LMBRD1: variants seen among roughly 807,000 people sequenced by gnomAD.
The protein encoded by LMBRD1 is lysosomal cobalamin transport escort protein LMBD1.
LMBRD1 carries 64 observed loss-of-function variants against 74.8 expected under a neutral mutation model. The observed-to-expected ratio is 0.86, with a 90% CI of 0.70 to 1.05. The LOEUF is 1.05. Among genes scored for constraint, LMBRD1 ranks in the 50% least tolerant of loss-of-function variants. The pLI is 0.00. For missense variants in LMBRD1, 652 were observed against 645.9 expected, an observed-to-expected ratio of 1.01 and a Z score of -0.10; for synonymous variants, 204 against 216.3, an observed-to-expected ratio of 0.94 and a Z score of 0.50.
At position 69,701,450 on chromosome 6, in the gene LMBRD1, A is replaced by T; in HGVS notation, c.1076T>A (p.Leu359Gln). ...GATTGATATTTTACTTACTGTTTGT[A>T]GTAAAGGCAAAAGCATATTCAGTGG... Reference protein sequence around the residue: ...SNPLNMLLPLLQTVFPLDYIL... With the variant: ...SNPLNMLLPLQQTVFPLDYIL... The change falls in exon 11 of 16, where the codon CTA becomes CAA. Residue 359 changes from leucine to glutamine, a missense_variant. This residue lies in a region of LMBRD1 where 598 missense variants were observed against 581.8 expected (regional missense o/e 1.03). Transcript: ENST00000649934. 6.4e-7 allele frequency: 1 copy of T among 1,571,726 alleles called. No individual in the cohort carries two copies. Among genetic ancestry groups the T allele is most frequent in the Non-Finnish European group, 8.7e-7 (1 of 1,143,006 alleles).
chr6:69,732,136 T>G (rs1279862012), intron 7 of LMBRD1, among the ~76,000 whole-genome samples: 7 of 152,142 alleles, frequency 4.6e-5, no homozygotes, highest in Non-Finnish European at 7.4e-5. Context: ...TCTCTAAATA[T>G]TATTGAGAAC....
intron 14 of LMBRD1, 88 bp downstream of exon 14, chr6:69,697,475 A>G: frequency 3.3e-6 from 3 of 913,312 alleles, no homozygotes; most frequent in Non-Finnish European, 1.8e-6. Context: ...CCACGTAGTA[A>G]AACAAATGCA....
At chr6:69,705,539 T>A (rs775341370) in intron 9 of LMBRD1, 39 of 1,290,130 alleles carry the variant, frequency 3.0e-5, no homozygotes, top group Admixed American at 6.8e-5. Context: ...TTGAGTCTTT[T>A]CCATTCTGAT....
intron 9 of LMBRD1, among the ~76,000 whole-genome samples, chr6:69,706,484 C>A (rs1325498771): frequency 3.3e-5 from 5 of 152,182 alleles, no homozygotes; most frequent in Non-Finnish European, 7.4e-5. Context: ...CTGTTTGAAA[C>A]TTCCTGATAC....
chr6:69,706,328 G>A (rs764003860), intron 9 of LMBRD1, among the ~76,000 whole-genome samples: 51 of 152,294 alleles, frequency 3.3e-4, no homozygotes, highest in Non-Finnish European at 5.7e-4. Context: ...TAGAAATTCT[G>A]TAATTTATTT....
In LMBRD1 at chr6:69,674,607, T is replaced by C. The variant is rs1039948830; in HGVS notation, c.*1551A>G. On this transcript the variant is annotated 3_prime_UTR_variant, in exon 16 of 16. Coordinates refer to ENST00000649934, the MANE Select transcript of LMBRD1 (RefSeq NM_018368.4). ...GAAGCAGTAATTTCTAGCTAAAAGA[T>C]AACTCAAAGTTCAGAGCTTAAGAAC... Among the ~76,000 whole-genome samples the C allele has an allele frequency of 2.0e-5, 3 of 152,334 alleles. No individual in the cohort carries two copies. The highest frequency in any genetic ancestry group is 7.2e-5 in the African/African-American group (3 of 41,584).
At chr6:69,733,533 T>C (rs577998208) in intron 7 of LMBRD1, among the ~76,000 whole-genome samples, 2 of 152,268 alleles carry the variant, frequency 1.3e-5, no homozygotes, top group Admixed American at 6.5e-5. Flanking sequence ...AGGTAATAGA[T>C]TTTAAACAAA....
At chr6:69,775,033 G>GGGAGGGAGGGAA (rs1562121921) in intron 3 of LMBRD1, among the ~76,000 whole-genome samples, 13 of 81,138 alleles carry the variant, frequency 1.6e-4, no homozygotes, top group Admixed American at 5.7e-4. Context: ...GAGGGAGGGA[G>GGGAGGGAGGGAA]GGAAGGAAGG....
chr6:69,678,002 C>T (rs763157012), intron 14 of LMBRD1, among the ~76,000 whole-genome samples: 1 of 152,066 alleles, frequency 6.6e-6, no homozygotes, highest in Admixed American at 6.6e-5. Flanking sequence ...GTACAGTTGA[C>T]CCTCAAGCAA....
intron 8 of LMBRD1, among the ~76,000 whole-genome samples, chr6:69,715,325 T>G (rs1442154963): frequency 6.6e-6 from 1 of 152,118 alleles, no homozygotes; most frequent in East Asian, 1.9e-4. Context: ...GTAAACTGAT[T>G]AAAGGATCCA....
Position 69,701,440 on chromosome 6 carries a change from T to C in LMBRD1, c.1083+3A>G, listed in dbSNP as rs1766127312. ...AGTATAAAATGATTGATATTTTACT[T>C]ACTGTTTGTAGTAAAGGCAAAAGCA... On this transcript the variant is annotated splice_donor_region_variant and intron_variant, in intron 11 of 15. Coordinates refer to ENST00000649934, the MANE Select transcript of LMBRD1 (RefSeq NM_018368.4). 6.6e-7 allele frequency: 1 copy of C among 1,520,312 alleles called. No homozygotes were observed. The highest frequency in any genetic ancestry group is 1.4e-5 in the African/African-American group (1 of 73,006). 94.2% of individuals were successfully genotyped at this position (1,520,312 alleles called of 1,614,324 possible).
Position 69,790,399 on chromosome 6 carries a change from A to G in LMBRD1, c.143T>C (p.Ile48Thr). The G allele has an allele frequency of 3.1e-6, 5 of 1,614,040 alleles. No homozygotes were observed. In the East Asian group the frequency reaches 8.9e-5, roughly 29 times the overall value. ...AATTGCTAGAGAAAAAATTGCTGTT[A>G]TGGTGGAGACAACTTCACTTTCCCG... is the stretch of plus-strand genomic sequence containing the variant. The part of the protein sequence containing the change: ...SRRESEVVST[I>T]TAIFSLAIAL... The change falls in exon 2 of 16, where the codon ATA becomes ACA. Residue 48 changes from isoleucine (I) to threonine (T), a missense_variant. Ile to Thr is a moderately conservative substitution (Grantham distance 89). Transcript: ENST00000649934.
intron 3 of LMBRD1, among the ~76,000 whole-genome samples, chr6:69,773,557 C>A (rs1399936190): frequency 2.0e-5 from 3 of 152,116 alleles, no homozygotes; most frequent in African/African-American, 7.2e-5. Context: ...AACTGAAAAG[C>A]TTCCCGGTCC....
At chr6:69,782,814 C>G (rs1223202922) in intron 2 of LMBRD1, among the ~76,000 whole-genome samples, 12 of 152,038 alleles carry the variant, frequency 7.9e-5, no homozygotes, top group Non-Finnish European at 8.8e-5. Flanking sequence ...ACTTGCTGAC[C>G]CTTGTCAGGG....
chr6:69,717,446 A>T (rs1766516618), intron 8 of LMBRD1, among the ~76,000 whole-genome samples: 2 of 152,176 alleles, frequency 1.3e-5, no homozygotes, highest in Non-Finnish European at 2.9e-5. Flanking sequence ...TATGCTCATT[A>T]GAGGCTTCCT....
rs556894174 is a variant in LMBRD1, at chr6:69,765,926, G to A, written c.308-13570C>T. ...AGTTCATCTGAATTGTCTGTTTCTA[G>A]TTTTCATATCAATCTTATACTTGTG... On this transcript the variant is annotated intron_variant, in intron 3 of 15. Transcript: ENST00000649934. Among the ~76,000 whole-genome samples the A allele has an allele frequency of 4.9e-3, 744 of 151,854 alleles. 6 individuals carry two copies. Among genetic ancestry groups the A allele is most frequent in the South Asian group, 0.033 (158 of 4,818 alleles).
At chr6:69,692,154 T>C (rs913625886) in intron 14 of LMBRD1, among the ~76,000 whole-genome samples, 2 of 152,168 alleles carry the variant, frequency 1.3e-5, no homozygotes, top group Non-Finnish European at 2.9e-5. Flanking sequence ...TTCATGTAGT[T>C]TGGTACATAG....
chr6:69,703,072 ATCTCTTGAAAAGAGAGTGATATTGC>A (rs1766168483), intron 9 of LMBRD1, among the ~76,000 whole-genome samples: 1 of 152,106 alleles, frequency 6.6e-6, no homozygotes, highest in Non-Finnish European at 1.5e-5. Context: ...GGCTATAGTC[ATCTCTTGAAAAGAGAGTGATATTGC>A]ATGTACTATT....
intron 7 of LMBRD1, among the ~76,000 whole-genome samples, chr6:69,727,531 G>GA (rs1043606863): frequency 1.3e-5 from 2 of 152,064 alleles, no homozygotes; most frequent in Admixed American, 1.3e-4. Flanking sequence ...AATATAAAAG[G>GA]AAAAATATAT....
Sources: allele counts gnomAD v4.1 joint callset (sites outside exome capture counted in the v4.1 genomes callset), GRCh38; gene constraint gnomAD v4.1.1; regional missense constraint gnomAD v4.1.1; transcripts MANE v1.5; gene names NCBI Gene and HGNC (gene_info 2026-07-23, HGNC 2026-07-21).